The following ITPR1 variants were observed in gnomAD, a reference collection of about 807,000 sequenced individuals.
ITPR1 encodes the protein inositol 1,4,5-trisphosphate receptor type 1.
Under a neutral mutation model 318.4 loss-of-function variants are expected in ITPR1, and 96 were observed. The observed-to-expected ratio is 0.30, with a 90% CI of 0.26 to 0.36. The LOEUF (loss-of-function observed/expected upper bound fraction) is 0.36, where lower values mean the gene tolerates loss of function less well. Ranked by LOEUF, ITPR1 falls within the 10% of genes least tolerant of loss-of-function variation. The pLI, the probability that ITPR1 is intolerant of heterozygous loss-of-function variation, is 1.00. For missense variants in ITPR1, 2,440 were observed against 3,460.2 expected (o/e 0.71, Z 7.40); for synonymous variants, 1,312 against 1,289.9 (o/e 1.02, Z -0.37).
chr3:4,692,493 A>G (rs1283940177), intron 32 of ITPR1, among the ~76,000 whole-genome samples: 1 of 152,202 alleles, frequency 6.6e-6, no homozygotes, highest in East Asian at 1.9e-4. Flanking sequence ...GAGGTTAGGA[A>G]GTTTGTCTAA....
chr3:4,840,029 CTTTTTTTTTTTTTTTTTTT>C (rs56096727), intron 61 of ITPR1, among the ~76,000 whole-genome samples: 1 of 104,910 alleles, frequency 9.5e-6, no homozygotes, highest in Non-Finnish European at 1.9e-5. Context: ...AGCATAGCTG[CTTTTTTTTTTTTTTTTTTT>C]TTTTTTTTTT....
At chr3:4,707,685 A>G (rs1359968411) in intron 37 of ITPR1, among the ~76,000 whole-genome samples, 2 of 152,192 alleles carry the variant, frequency 1.3e-5, no homozygotes, top group Non-Finnish European at 2.9e-5. Context: ...TGGTATAGCC[A>G]TCTTAGGAAA....
intron 4 of ITPR1, among the ~76,000 whole-genome samples, chr3:4,620,455 C>T (rs909501730): frequency 2.0e-5 from 3 of 152,124 alleles, no homozygotes; most frequent in Non-Finnish European, 4.4e-5. Flanking sequence ...CTCCTGTCAC[C>T]CTTGATGCCT....
intron 37 of ITPR1, among the ~76,000 whole-genome samples, chr3:4,709,927 T>C (rs1016536155): frequency 6.6e-6 from 1 of 152,242 alleles, no homozygotes; most frequent in Non-Finnish European, 1.5e-5. Flanking sequence ...ATTTGATGTT[T>C]ATCCTTTAGC....
chr3:4,579,833 A>G (rs2089108574), intron 4 of ITPR1, among the ~76,000 whole-genome samples: 1 of 152,188 alleles, frequency 6.6e-6, no homozygotes, highest in South Asian at 2.1e-4. Flanking sequence ...TTATAGTTCC[A>G]TCCCCCAAAG....
chr3:4,655,810 C>T (rs1357329008), intron 12 of ITPR1, among the ~76,000 whole-genome samples: 1 of 152,136 alleles, frequency 6.6e-6, no homozygotes, highest in Non-Finnish European at 1.5e-5. Context: ...TGGGGGTGGG[C>T]TGCTTGCAGA....
intron 34 of ITPR1, among the ~76,000 whole-genome samples, chr3:4,697,709 C>T (rs1404698206): frequency 6.6e-6 from 1 of 152,090 alleles, no homozygotes; most frequent in African/African-American, 2.4e-5. Context: ...ACCTCAGCCT[C>T]CCAAAGTGCT....
intron 46 of ITPR1, among the ~76,000 whole-genome samples, chr3:4,774,270 T>C (rs2046353528): frequency 6.6e-6 from 1 of 152,274 alleles, no homozygotes; most frequent in South Asian, 2.1e-4. Context: ...ATTTATTTAC[T>C]CCTCAATTGG....
At chr3:4,744,465 G>A (rs2043933875) in intron 44 of ITPR1, among the ~76,000 whole-genome samples, 2 of 152,164 alleles carry the variant, frequency 1.3e-5, no homozygotes, top group Non-Finnish European at 2.9e-5. Context: ...TAGCCCACGG[G>A]AAAAATCCAG....
chr3:4,814,318 C>G (rs2049139983), intron 57 of ITPR1, 105 bp from the exon 58 acceptor site: 1 of 1,229,042 alleles, frequency 8.1e-7, no homozygotes, highest in South Asian at 1.2e-5. Flanking sequence ...TAATTTTATT[C>G]TTTCGTGTGC....
At chr3:4,643,479 G>T (rs2093383328) in intron 7 of ITPR1, among the ~76,000 whole-genome samples, 2 of 152,146 alleles carry the variant, frequency 1.3e-5, no homozygotes, top group Admixed American at 1.3e-4. Context: ...AAGAATAGGT[G>T]TAGACCCATT....
intron 26 of ITPR1, among the ~76,000 whole-genome samples, 157 bp from the exon 27 acceptor site, chr3:4,683,228 CA>C (rs1056931872): frequency 1.3e-5 from 2 of 152,174 alleles, no homozygotes; most frequent in Non-Finnish European, 2.9e-5. Context: ...GAAGATGAAG[CA>C]AGGCTGTATT....
At chr3:4,813,604 C>T (rs1041007199) in intron 57 of ITPR1, among the ~76,000 whole-genome samples, 2 of 152,096 alleles carry the variant, frequency 1.3e-5, no homozygotes, top group South Asian at 4.1e-4. Flanking sequence ...CTAAGCGTAT[C>T]ATCAAGAAAG....
intron 60 of ITPR1, among the ~76,000 whole-genome samples, chr3:4,827,939 GA>G (rs2050187480): frequency 6.6e-6 from 1 of 151,848 alleles, no homozygotes; most frequent in South Asian, 2.1e-4. Context: ...AGTTCTTCAT[GA>G]AGTCCTGTAG....
chr3:4,659,643 C>T (rs371920439), intron 13 of ITPR1, among the ~76,000 whole-genome samples: 2 of 151,866 alleles, frequency 1.3e-5, no homozygotes, highest in Admixed American at 6.6e-5. Context: ...CCAGATTGTG[C>T]CAACTGTACT....
chr3:4,674,204 A>G lies in ITPR1; in HGVS notation c.2459A>G (p.Tyr820Cys), dbSNP rs2094142139. 2 of 1,543,216 alleles carry G rather than the reference A, an allele frequency of 1.3e-6. No homozygotes were observed. Among genetic ancestry groups the G allele is most frequent in the Non-Finnish European group, 1.7e-6 (2 of 1,144,910 alleles). The change falls in exon 22 of 62, where the codon TAT becomes TGT. Residue 820 changes from tyrosine (Y) to cysteine (C), a missense_variant and splice_region_variant. Tyr to Cys is a radical substitution (Grantham distance 194). Around this residue, in one of 23 missense-constraint regions of ITPR1, gnomAD observed 478 missense variants for 696.3 expected, o/e 0.69. Coordinates refer to ENST00000649015, the MANE Select transcript of ITPR1 (RefSeq NM_001378452.1). The stretch of plus-strand genomic sequence containing the variant: ...CTTTCTTTCTCCTTTCTTTTCAGCT[A>G]TGATAGTAGTGGAGCTTCCAAAGAT... ...EIPSEIAIDD[Y>C]DSSGASKDEI... is the part of the protein sequence containing the mutation.
chr3:4,644,048 G>A, intron 7 of ITPR1, 88 bp from the exon 8 acceptor site: 2 of 809,980 alleles, frequency 2.5e-6, no homozygotes, highest in Non-Finnish European at 4.2e-6. Flanking sequence ...CTTCAGCACA[G>A]ACTCATATGT....
chr3:4,787,454 G>C (rs1285819935), intron 51 of ITPR1, among the ~76,000 whole-genome samples: 1 of 151,634 alleles, frequency 6.6e-6, no homozygotes, highest in Non-Finnish European at 1.5e-5. Flanking sequence ...CAGCATTTTG[G>C]GAGGCTGAGG....
Position 4,691,226 on chromosome 3 carries a change from A to AT in ITPR1, c.3911_3912insT (p.Phe1305LeufsTer30). On this transcript the variant is annotated frameshift_variant, in exon 32 of 62. Transcript: ENST00000649015. LOFTEE classifies it high-confidence loss of function. ...GAGATCAACGAGAGAGTTGTTCAGC[A>AT]CTTCGTTCACTGCATAGAGACTCAC... 1 of 1,613,028 alleles carries AT rather than the reference A, an allele frequency of 6.2e-7. No individual in the cohort carries two copies.
Sources: allele counts gnomAD v4.1 joint callset (sites outside exome capture counted in the v4.1 genomes callset), GRCh38; gene constraint gnomAD v4.1.1; regional missense constraint gnomAD v4.1.1; transcripts MANE v1.5; gene names NCBI Gene and HGNC (gene_info 2026-07-23, HGNC 2026-07-21).